Variants in DMTN observed in about 807,000 individuals in gnomAD.
The protein encoded by DMTN is dematin.
Under a neutral mutation model 59.4 loss-of-function variants are expected in DMTN, and 27 were observed. The observed-to-expected ratio is 0.45, with a 90% CI of 0.33 to 0.63. DMTN has a LOEUF of 0.63. DMTN is among the 20% of genes least tolerant of loss of function. The pLI is 0.02. For synonymous variants in DMTN, 221 were observed against 203.7 expected (o/e 1.08, Z -0.72); for missense variants, 451 against 528.9 (o/e 0.85, Z 1.45).
chr8:22,075,268 C>T (rs1818844884), intron 10 of DMTN, among the ~76,000 whole-genome samples: 2 of 151,826 alleles, frequency 1.3e-5, no homozygotes, highest in Admixed American at 1.3e-4. Flanking sequence ...CAGTCACTGG[C>T]CACCTAGACT....
chr8:22,055,485 C>T (rs188809224), upstream of DMTN: 67 of 152,758 alleles, frequency 4.4e-4, 1 homozygote, highest in Middle Eastern at 0.01. Context: ...GGGCTGAGGC[C>T]GGGCTGGTTG....
In DMTN at chr8:22,067,127, T is replaced by C; in HGVS notation, c.61T>C (p.Ser21Pro). The C allele has an allele frequency of 3.1e-6, 5 of 1,607,866 alleles. No homozygotes were observed. The highest frequency in any genetic ancestry group is 4.2e-6 in the Non-Finnish European group (5 of 1,177,602). The part of the protein sequence containing the change: ...SPGSVSPSRD[S>P]SVPGSPSSIV... ...CGGGAGCGTGAGCCCCTCCCGAGAT[T>C]CCAGTGTGCCTGGCTCTCCCTCCAG... is the stretch of plus-strand genomic sequence containing the variant. The change falls in exon 3 of 16, where the codon TCC (serine) becomes CCC (proline). Residue 21 changes from serine to proline, a missense_variant. By Grantham distance (74) the Ser-to-Pro change is moderately conservative. Coordinates refer to ENST00000358242, the MANE Select transcript of DMTN (RefSeq NM_001387751.1).
intron 1 of DMTN, among the ~76,000 whole-genome samples, chr8:22,065,344 G>A (rs1239333040): frequency 2.6e-5 from 4 of 152,200 alleles, no homozygotes; most frequent in African/African-American, 7.2e-5. Flanking sequence ...AGTCTGTCTA[G>A]TTAGGGAGAA....
At chr8:22,057,452 G>A (rs1330454654) in intron 1 of DMTN, among the ~76,000 whole-genome samples, 1 of 152,222 alleles carries the variant, frequency 6.6e-6, no homozygotes, top group Non-Finnish European at 1.5e-5. Context: ...GACTGTGGGG[G>A]CACGGGGTGG....
In DMTN at chr8:22,080,862, G is replaced by A. The variant is rs1200859253; in HGVS notation, c.1015G>A (p.Glu339Lys). ...GGGGAACTCCCTGCCCTGTGTGCTG[G>A]AGCAGAAGGTGAGGGGCAGGGGACA... ...DRGNSLPCVL[E>K]QKIYPYEMLV... is the part of the protein sequence containing the mutation. Residue 339 changes from glutamate (E) to lysine (K), a missense_variant, in exon 14 of 16, where the codon GAG becomes AAG. Physicochemically the swap from Glu to Lys is moderately conservative, Grantham distance 56. Transcript: ENST00000358242. 6.3e-7 allele frequency: 1 copy of A among 1,575,724 alleles called. No individual in the cohort carries two copies. The highest frequency in any genetic ancestry group is 2.3e-5 in the East Asian group (1 of 44,332).
At position 22,067,029 on chromosome 8, in the gene DMTN, G is replaced by T. The variant is rs1380427706; in HGVS notation, c.19-56G>T. The T allele has an allele frequency of 8.5e-6, 9 of 1,062,220 alleles. 1 individual carries two copies. The highest frequency in any genetic ancestry group is 3.5e-5 in the African/African-American group (2 of 57,068). 65.8% of individuals were successfully genotyped at this position (1,062,220 alleles called of 1,614,324 possible). On this transcript the variant is annotated intron_variant, in intron 2 of 15. Coordinates refer to ENST00000358242, the MANE Select transcript of DMTN (RefSeq NM_001387751.1). The stretch of plus-strand genomic sequence containing the variant: ...GTCCCCCAGGCCTAGGGCCGCCCCC[G>T]CCCCGCTCCCGCACACACGCACGTG...
intron 8 of DMTN, 22 bp from the exon 9 acceptor site, chr8:22,072,304 C>A (rs1440935078): frequency 2.5e-6 from 4 of 1,587,026 alleles, no homozygotes; most frequent in Non-Finnish European, 3.4e-6. Context: ...ACTCCCTCCC[C>A]ACCTTTGCTT....
In DMTN at chr8:22,072,170, A is replaced by G. The variant is rs139322716; in HGVS notation, c.605-156A>G. Among the ~76,000 whole-genome samples the G allele has an allele frequency of 4.7e-4, 72 of 152,138 alleles. 1 individual carries two copies. The East Asian group carries it at 0.013, about 27-fold the overall frequency. The stretch of plus-strand genomic sequence containing the variant: ...CTCCCAATGTGTTGAGATTACAGGC[A>G]TGAGTCATCTACCGACCCTACTTTA... On this transcript the variant is annotated intron_variant, in intron 8 of 15. Coordinates refer to ENST00000358242, the MANE Select transcript of DMTN (RefSeq NM_001387751.1).
chr8:22,051,549 C>T (rs918860728), upstream of DMTN, among the ~76,000 whole-genome samples: 11 of 152,130 alleles, frequency 7.2e-5, no homozygotes, highest in Non-Finnish European at 1.6e-4. Flanking sequence ...CACCCCACCC[C>T]CCTCGGCCTG....
upstream of DMTN, among the ~76,000 whole-genome samples, chr8:22,050,752 G>A (rs1801269202): frequency 6.6e-6 from 1 of 152,012 alleles, no homozygotes; most frequent in Non-Finnish European, 1.5e-5. Flanking sequence ...TCCCGCCCTG[G>A]GTCTCTGGGT....
chr8:22,061,038 G>C (rs1379449187), intron 1 of DMTN, among the ~76,000 whole-genome samples: 1 of 152,016 alleles, frequency 6.6e-6, no homozygotes, highest in Non-Finnish European at 1.5e-5. Flanking sequence ...TTGGGAGGCA[G>C]AGGTGGGAGG....
intron 8 of DMTN, among the ~76,000 whole-genome samples, chr8:22,071,337 A>C (rs1306357795): frequency 6.6e-6 from 1 of 151,678 alleles, no homozygotes; most frequent in African/African-American, 2.4e-5. Context: ...ACCTCCAGTG[A>C]TCCACCCGCC....
At position 22,073,653 on chromosome 8, in the gene DMTN, GAAAGAAAAAAA is replaced by G. The variant is rs1563499378; in HGVS notation, c.730-73_730-63del. ...CTCAAAAAAAAAAAAAAAAAAAAAAGAAAGAAAAAAAAAAAGAGAAAAAAGAAACATTCAAG... is the reference window on the plus strand; with the variant it reads ...CTCAAAAAAAAAAAAAAAAAAAAAAGAAAAGAGAAAAAAGAAACATTCAAG... On this transcript the variant is annotated intron_variant, in intron 9 of 15. Transcript: ENST00000358242. The G allele has an allele frequency of 6.8e-4, 492 of 718,276 alleles. 1 individual carries two copies. The African/African-American group carries it at 0.021, about 31-fold the overall frequency. The allele number at this position is 718,276 out of a possible 1,614,324, so 44.5% of individuals were successfully genotyped here.
At chr8:22,051,142 C>A (rs1158813027), upstream of DMTN, among the ~76,000 whole-genome samples, 1 of 152,104 alleles carries the variant, frequency 6.6e-6, no homozygotes, top group African/African-American at 2.4e-5. Flanking sequence ...TGCTAATAGC[C>A]CCTTGCCGTT....
At chr8:22,068,343 A>G (rs1167794245) in intron 4 of DMTN, among the ~76,000 whole-genome samples, 1 of 152,216 alleles carries the variant, frequency 6.6e-6, no homozygotes. Flanking sequence ...TTGGAGGCCA[A>G]GGTGGGAGGG....
At position 22,066,745 on chromosome 8, in the gene DMTN, G is replaced by C; in HGVS notation, c.-131G>C. 9.5e-7 allele frequency: 1 copy of C among 1,054,496 alleles called. No individual in the cohort carries two copies. Among genetic ancestry groups the C allele is most frequent in the Non-Finnish European group, 1.2e-6 (1 of 804,124 alleles). 65.3% of individuals were successfully genotyped at this position (1,054,496 alleles called of 1,614,324 possible). On this transcript the variant is annotated 5_prime_UTR_variant, in exon 2 of 16. Coordinates refer to ENST00000358242, the MANE Select transcript of DMTN (RefSeq NM_001387751.1). ...CCGAGGGATGAGGACGCGCCAGCCC[G>C]GGGGAACGCGCCAGCTGCTTTCGCG...
Position 22,081,300 on chromosome 8 carries a change from G to A in DMTN, c.1105-50G>A, listed in dbSNP as rs1361216921. 1.9e-6 allele frequency: 3 copies of A among 1,596,098 alleles called. No homozygotes were observed. The South Asian group carries it at 3.3e-5, about 18-fold the overall frequency. ...GAGTGAGTGTCCCCTAGGTCACTGGGCACAGCCCCCTCCCCCTCCATGCTG... is the reference window on the plus strand; with the variant it reads ...GAGTGAGTGTCCCCTAGGTCACTGGACACAGCCCCCTCCCCCTCCATGCTG... On this transcript the variant is annotated intron_variant, in intron 15 of 15. Coordinates refer to ENST00000358242, the MANE Select transcript of DMTN (RefSeq NM_001387751.1).
Position 22,067,675 on chromosome 8 carries a change from G to T in DMTN, c.242G>T (p.Ser81Ile). 1 of 1,613,828 alleles carries T rather than the reference G, an allele frequency of 6.2e-7. No homozygotes were observed. Among genetic ancestry groups the T allele is most frequent in the Non-Finnish European group, 8.5e-7 (1 of 1,180,016 alleles). The change falls in exon 4 of 16, where the codon AGC becomes ATC. Residue 81 changes from serine (S) to isoleucine (I), a missense_variant. Transcript: ENST00000358242. ...CTGGAACACGTGGAGCTGCCTCGCAGCCGCGAGGTGAGGGGGCTCCTCTTG... is the reference window on the plus strand; with the variant it reads ...CTGGAACACGTGGAGCTGCCTCGCATCCGCGAGGTGAGGGGGCTCCTCTTG... ...SLLEHVELPR[S>I]RERSLSPKST...
chr8:22,079,269 A>ATAT (rs1554562269), intron 10 of DMTN, among the ~76,000 whole-genome samples: 7 of 21,204 alleles, frequency 3.3e-4, no homozygotes, highest in African/African-American at 1.0e-3. Flanking sequence ...TAAATAAATA[A>ATAT]ATAAATAAAT....
Sources: allele counts gnomAD v4.1 joint callset (sites outside exome capture counted in the v4.1 genomes callset), GRCh38; gene constraint gnomAD v4.1.1; transcripts MANE v1.5; gene names NCBI Gene and HGNC (gene_info 2026-07-23, HGNC 2026-07-21).